UPF2: variants seen among roughly 807,000 people sequenced by gnomAD.
UPF2 encodes the protein UPF2 regulator of nonsense mediated mRNA decay.
UPF2 carries 17 observed loss-of-function variants against 141.4 expected under a neutral mutation model. That is an observed-to-expected ratio of 0.12 (90% confidence interval 0.08 to 0.18). The LOEUF (loss-of-function observed/expected upper bound fraction) is 0.18. Among genes scored for constraint, UPF2 ranks in the 10% least tolerant of loss-of-function variants. UPF2 has a pLI of 1.00. For missense variants in UPF2, 1,152 were observed against 1,515.9 expected, an observed-to-expected ratio of 0.76 and a Z score of 3.99; for synonymous variants, 540 against 498.0, an observed-to-expected ratio of 1.08 and a Z score of -1.12.
chr10:11,959,441 G>T lies in UPF2; in HGVS notation c.2185-85C>A. The T allele has an allele frequency of 7.2e-7, 1 of 1,397,224 alleles. No homozygotes were observed. The highest frequency in any genetic ancestry group is 9.5e-7 in the Non-Finnish European group (1 of 1,054,056). 86.6% of individuals were successfully genotyped at this position (1,397,224 alleles called of 1,614,324 possible). Reference sequence around the variant, plus strand: ...ACTAAACTTCTATTCTCAGTGATTTGCTATTTCAAAGTAATGGGTTAGAAA... The same window carrying T: ...ACTAAACTTCTATTCTCAGTGATTTTCTATTTCAAAGTAATGGGTTAGAAA... On this transcript the variant is annotated intron_variant, in intron 11 of 21. Coordinates refer to ENST00000357604, the MANE Select transcript of UPF2 (RefSeq NM_015542.4). The surrounding 1 kb of genome is among the most constrained non-coding windows in gnomAD (Gnocchi z 5.9).
intron 3 of UPF2, among the ~76,000 whole-genome samples, chr10:12,025,880 G>A (rs1004238448): frequency 1.3e-5 from 2 of 152,078 alleles, no homozygotes; most frequent in African/African-American, 4.8e-5. Context: ...CTGCAGTCTC[G>A]ACTTTCCAGG....
rs761638029 is a variant in UPF2 at position 12,004,641 on chromosome 10, G to A, written c.1393C>T (p.Arg465Trp). The change falls in exon 5 of 22, where the codon CGG becomes TGG. Residue 465 changes from arginine (R) to tryptophan (W), a missense_variant. Arg to Trp is a moderately radical substitution (Grantham distance 101). This residue lies in a region of UPF2 where 739 missense variants were observed against 1,032.2 expected (regional missense o/e 0.72). Coordinates refer to ENST00000357604, the MANE Select transcript of UPF2 (RefSeq NM_015542.4). ...EGGIWEDEDA[R>W]NFYENLIDLK... ...TCAATGAGGTTCTCATAAAAATTCC[G>A]AGCATCTTCATCTTCCCATATACCA... 1.2e-6 allele frequency: 2 copies of A among 1,613,724 alleles called. No individual in the cohort carries two copies. The highest frequency in any genetic ancestry group is 2.2e-5 in the East Asian group (1 of 44,794).
chr10:11,927,083 G>A (rs1053178394), intron 21 of UPF2, among the ~76,000 whole-genome samples: 9 of 152,110 alleles, frequency 5.9e-5, no homozygotes, highest in East Asian at 1.9e-4. Context: ...ACCCATACTC[G>A]GCTTCCCTAC....
chr10:12,005,164 T>A (rs559088455), intron 4 of UPF2, among the ~76,000 whole-genome samples: 2 of 151,974 alleles, frequency 1.3e-5, no homozygotes, highest in Non-Finnish European at 2.9e-5. Flanking sequence ...CATACTTATA[T>A]ACCATTTATA....
At chr10:11,965,217 G>A (rs113991472) in intron 10 of UPF2, among the ~76,000 whole-genome samples, 7 of 152,166 alleles carry the variant, frequency 4.6e-5, no homozygotes, top group African/African-American at 1.4e-4. Context: ...AGAAATTTCT[G>A]TGTCAAAAAA....
intron 15 of UPF2, among the ~76,000 whole-genome samples, chr10:11,950,492 A>T (rs933984348): frequency 1.3e-5 from 2 of 152,156 alleles, no homozygotes; most frequent in African/African-American, 4.8e-5. Context: ...ATCTATTTTT[A>T]CCTCCATATT....
chr10:12,024,946 A>AAAAC (rs1834391070), intron 3 of UPF2, among the ~76,000 whole-genome samples: 1 of 150,260 alleles, frequency 6.7e-6, no homozygotes, highest in Non-Finnish European at 1.5e-5. Context: ...AAAAAAAAAA[A>AAAAC]AAAAAAAAAA....
rs1056134005 is a variant in UPF2, at chr10:11,939,950, T to A, written c.3378+2715A>T. ...GATCTCCCTGCTCTTCTCTTTCCCTTGGAAAAACAAAACAAAACATCTTCC... is the reference window on the plus strand; with the variant it reads ...GATCTCCCTGCTCTTCTCTTTCCCTAGGAAAAACAAAACAAAACATCTTCC... On this transcript the variant is annotated intron_variant, in intron 18 of 21. Transcript: ENST00000357604. This position sits in a 1 kb window ranked among gnomAD's most constrained non-coding sequence, Gnocchi z 4.8. 6.6e-6 allele frequency among the ~76,000 whole-genome samples: 1 copy of A among 152,206 alleles called. No individual in the cohort carries two copies. Among genetic ancestry groups the A allele is most frequent in the African/African-American group, 2.4e-5 (1 of 41,450 alleles).
chr10:11,972,943 C>G (rs1025059789), intron 9 of UPF2, among the ~76,000 whole-genome samples: 2 of 152,180 alleles, frequency 1.3e-5, no homozygotes, highest in African/African-American at 4.8e-5. Context: ...GTTCTAGATC[C>G]TTGAGGAATC....
chr10:11,968,223 T>A (rs749334448), intron 9 of UPF2, among the ~76,000 whole-genome samples: 1 of 152,066 alleles, frequency 6.6e-6, no homozygotes, highest in Non-Finnish European at 1.5e-5. Context: ...TATTGTAAGT[T>A]AAAGAAAAAA....
intron 16 of UPF2, 126 bp from the exon 17 acceptor site, chr10:11,943,294 A>G (rs1832959607): frequency 2.3e-6 from 2 of 855,838 alleles, no homozygotes; most frequent in Non-Finnish European, 3.5e-6. Context: ...CTCTTTAGGT[A>G]GTTGGTTTCC....
At chr10:12,017,882 T>C (rs1046059305) in intron 3 of UPF2, among the ~76,000 whole-genome samples, 9 of 152,180 alleles carry the variant, frequency 5.9e-5, no homozygotes, top group African/African-American at 2.2e-4. Flanking sequence ...CCTAATGTTA[T>C]CCCTCCCCTG....
chr10:12,041,530 G>A (rs946515137), intron 1 of UPF2, among the ~76,000 whole-genome samples: 1 of 152,236 alleles, frequency 6.6e-6, no homozygotes, highest in African/African-American at 2.4e-5. Context: ...GGGCACAAAA[G>A]GGGGTGTTTC....
At chr10:11,937,789 C>A (rs926818291) in intron 18 of UPF2, among the ~76,000 whole-genome samples, 1 of 152,162 alleles carries the variant, frequency 6.6e-6, no homozygotes, top group Non-Finnish European at 1.5e-5. Flanking sequence ...ACTTGCAAAT[C>A]AAGCAAAATC....
intron 8 of UPF2, among the ~76,000 whole-genome samples, chr10:11,986,695 T>G (rs1224023668): frequency 2.0e-4 from 31 of 152,172 alleles, no homozygotes; most frequent in Non-Finnish European, 4.4e-4. Context: ...TGAAATATAA[T>G]AAGCAAAAGA....
chr10:12,012,665 G>A (rs950161715), intron 4 of UPF2, among the ~76,000 whole-genome samples: 1 of 152,044 alleles, frequency 6.6e-6, no homozygotes, highest in Admixed American at 6.5e-5. Context: ...TGGGCGTGGT[G>A]GTGGGTGCCT....
At chr10:12,021,549 TTA>T (rs1283072496) in intron 3 of UPF2, among the ~76,000 whole-genome samples, 4 of 152,096 alleles carry the variant, frequency 2.6e-5, no homozygotes, top group African/African-American at 9.6e-5. Context: ...GTGGGATTTA[TTA>T]TGTTAATGTA....
intron 16 of UPF2, among the ~76,000 whole-genome samples, chr10:11,944,423 G>A (rs1374041928): frequency 1.3e-5 from 2 of 152,172 alleles, no homozygotes. Context: ...GAATCTGGGA[G>A]GCAGAGGTTG....
rs142327199 is a variant in UPF2, at chr10:11,959,276, G to A, written c.2265C>T (p.Cys755=). ...CGGTTTTTTCAGCTGGAGGTGGGTT[G>A]CAGTAGTAATATGCATTCTCTACCA... ...VTMVENAYYY[C]NPPPAEKTVK... The change falls in exon 12 of 22, where the codon TGC becomes TGT. Residue 755 remains cysteine, a synonymous_variant. Coordinates refer to ENST00000357604, the MANE Select transcript of UPF2 (RefSeq NM_015542.4). The surrounding 1 kb of genome is among the most constrained non-coding windows in gnomAD (Gnocchi z 5.9). The A allele has an allele frequency of 3.2e-4, 512 of 1,613,234 alleles. 2 individuals carry two copies. The African/African-American group carries it at 5.3e-3, about 17-fold the overall frequency.
Sources: allele counts gnomAD v4.1 joint callset (sites outside exome capture counted in the v4.1 genomes callset), GRCh38; gene constraint gnomAD v4.1.1; regional missense constraint gnomAD v4.1.1; non-coding constraint Gnocchi (gnomAD v3.1); transcripts MANE v1.5; gene names NCBI Gene and HGNC (gene_info 2026-07-23, HGNC 2026-07-21).